Variants in HDAC9 observed in about 807,000 individuals in gnomAD.
HDAC9 encodes histone deacetylase 9.
Under a neutral mutation model 139.4 loss-of-function variants are expected in HDAC9, and 41 were observed. The ratio of observed to expected loss-of-function variants is 0.29; its 90% confidence interval spans 0.23 to 0.38. The LOEUF (loss-of-function observed/expected upper bound fraction) is 0.38. Ranked by LOEUF, HDAC9 falls within the 10% of genes least tolerant of loss-of-function variation. HDAC9 has a pLI of 1.00. For synonymous variants in HDAC9, 517 were observed against 476.2 expected, an observed-to-expected ratio of 1.09 and a Z score of -1.12; for missense variants, 1,147 against 1,297.0, an observed-to-expected ratio of 0.88 and a Z score of 1.78.
chr7:18,906,000 T>C (rs915969330), intron 22 of HDAC9, among the ~76,000 whole-genome samples: 8 of 151,114 alleles, frequency 5.3e-5, no homozygotes, highest in Admixed American at 4.6e-4. Flanking sequence ...TCTCTCTCTC[T>C]CTTTATTTTT....
At chr7:18,225,620 T>C (rs986022097) in intron 2 of HDAC9, among the ~76,000 whole-genome samples, 1 of 152,136 alleles carries the variant, frequency 6.6e-6, no homozygotes, top group Non-Finnish European at 1.5e-5. Flanking sequence ...TTAAATATAA[T>C]TGAATGAATA....
Position 18,835,447 on chromosome 7 carries a change from C to G in HDAC9, c.2467-20C>G, listed in dbSNP as rs767363488. 1.9e-6 allele frequency: 3 copies of G among 1,604,710 alleles called. No homozygotes were observed. The Admixed American group carries it at 5.1e-5, about 27-fold the overall frequency. The stretch of plus-strand genomic sequence containing the variant: ...AGTTAGACATGACTGTATTTGTCGT[C>G]TGTTTTCATTTCCCTGTAGGATGTT... On this transcript the variant is annotated intron_variant, in intron 19 of 25. Coordinates refer to ENST00000686413, the MANE Select transcript of HDAC9 (RefSeq NM_178425.4).
At chr7:18,824,754 G>A (rs1332632504) in intron 17 of HDAC9, among the ~76,000 whole-genome samples, 1 of 152,200 alleles carries the variant, frequency 6.6e-6, no homozygotes, top group Non-Finnish European at 1.5e-5. Flanking sequence ...CCACCCTCAT[G>A]TGCCTTTCGT....
At chr7:18,907,127 A>G (rs954379845) in intron 22 of HDAC9, 2 of 152,218 alleles carry the variant, frequency 1.3e-5, no homozygotes, top group African/African-American at 2.4e-5. Context: ...ATTAAACCCA[A>G]ATGATCTCGA....
chr7:18,516,722 G>A (rs529729435), intron 2 of HDAC9, among the ~76,000 whole-genome samples: 1 of 152,208 alleles, frequency 6.6e-6, no homozygotes, highest in Admixed American at 6.5e-5. Context: ...TTAGCCAGGC[G>A]TGGTGGTGTG....
intron 22 of HDAC9, among the ~76,000 whole-genome samples, chr7:18,880,776 A>G (rs1279267232): frequency 1.3e-5 from 2 of 148,388 alleles, no homozygotes; most frequent in African/African-American, 4.9e-5. Flanking sequence ...AAACCTTCAC[A>G]TGTACCCCCA....
intron 11 of HDAC9, among the ~76,000 whole-genome samples, chr7:18,660,835 G>A (rs1423931334): frequency 6.6e-6 from 1 of 152,142 alleles, no homozygotes; most frequent in African/African-American, 2.4e-5. Flanking sequence ...GTGAGAAAGA[G>A]AGAACAAGAT....
intron 2 of HDAC9, among the ~76,000 whole-genome samples, chr7:18,252,545 G>C (rs147453382): frequency 2.0e-5 from 3 of 152,116 alleles, no homozygotes; most frequent in Admixed American, 1.3e-4. Flanking sequence ...ATCCTTCTCT[G>C]TTGCCATGTT....
chr7:18,820,893 T>C (rs964703340), intron 17 of HDAC9, among the ~76,000 whole-genome samples: 1 of 152,150 alleles, frequency 6.6e-6, no homozygotes, highest in African/African-American at 2.4e-5. Context: ...AAGGGCATAT[T>C]ATAGAGTGTC....
intron 6 of HDAC9, among the ~76,000 whole-genome samples, chr7:18,594,480 G>C (rs1445306421): frequency 6.6e-6 from 1 of 151,876 alleles, no homozygotes; most frequent in African/African-American, 2.4e-5. Flanking sequence ...TGTTTTTGTG[G>C]TGAAAGCAGG....
At position 18,842,019 on chromosome 7, in the gene HDAC9, T is replaced by C. The variant is rs147602029; in HGVS notation, c.2684+6022T>C. Among the ~76,000 whole-genome samples the C allele has an allele frequency of 2.7e-3, 415 of 152,240 alleles. 2 individuals are homozygous for C. The highest frequency in any genetic ancestry group is 6.5e-3 in the Admixed American group (99 of 15,270). Reference sequence around the variant, plus strand: ...TACCAAATTAAATTTTAATAGAATATATAGTGAAAAATGAACATTTAGATT... The same window carrying C: ...TACCAAATTAAATTTTAATAGAATACATAGTGAAAAATGAACATTTAGATT... On this transcript the variant is annotated intron_variant, in intron 21 of 25. Transcript: ENST00000686413.
intron 22 of HDAC9, among the ~76,000 whole-genome samples, chr7:18,901,552 C>T (rs1801725669): frequency 6.6e-6 from 1 of 151,932 alleles, no homozygotes; most frequent in South Asian, 2.1e-4. Context: ...GTAGGGGATC[C>T]CACCCCCAAC....
chr7:18,911,768 G>A (rs918474168), intron 22 of HDAC9, among the ~76,000 whole-genome samples: 3 of 151,660 alleles, frequency 2.0e-5, no homozygotes, highest in African/African-American at 4.8e-5. Context: ...GGTTATTCAG[G>A]AGCATGTTGT....
chr7:18,530,708 G>T (rs1027599746), intron 2 of HDAC9, among the ~76,000 whole-genome samples: 30 of 151,652 alleles, frequency 2.0e-4, no homozygotes. Context: ...CTTCCTGAGG[G>T]ATTTCCCCCA....
At chr7:18,748,870 C>T (rs1455815257) in intron 13 of HDAC9, 135 bp from the exon 14 acceptor site, 9 of 848,438 alleles carry the variant, frequency 1.1e-5, no homozygotes, top group Non-Finnish European at 1.6e-5. Flanking sequence ...TGAGAATTTG[C>T]TTTGTGATAT....
intron 1 of HDAC9, among the ~76,000 whole-genome samples, chr7:18,300,704 C>G (rs1021561114): frequency 2.0e-5 from 3 of 152,128 alleles, no homozygotes; most frequent in African/African-American, 7.2e-5. Context: ...ATATACCACA[C>G]ACCATTCCAC....
chr7:18,904,306 A>G (rs1188292273), intron 22 of HDAC9, among the ~76,000 whole-genome samples: 1 of 152,186 alleles, frequency 6.6e-6, no homozygotes, highest in Non-Finnish European at 1.5e-5. Context: ...ATTTAAAAAA[A>G]TGCTGCTACC....
chr7:18,380,350 AGTT>A (rs1041251734), intron 1 of HDAC9, among the ~76,000 whole-genome samples: 2 of 152,238 alleles, frequency 1.3e-5, no homozygotes, highest in African/African-American at 2.4e-5. Flanking sequence ...GTGAAAACAC[AGTT>A]GTTGTAGTTT....
intron 14 of HDAC9, among the ~76,000 whole-genome samples, chr7:18,760,049 G>A (rs1789244924): frequency 6.6e-6 from 1 of 152,154 alleles, no homozygotes; most frequent in East Asian, 1.9e-4. Context: ...TAGCTGCAGA[G>A]CTGACATTGT....
Sources: gnomAD v4.1 joint callset for allele counts (sites outside exome capture counted in the v4.1 genomes callset) on GRCh38, gnomAD v4.1.1 for gene constraint, MANE v1.5 for transcripts, NCBI Gene and HGNC (gene_info 2026-07-23, HGNC 2026-07-21) for gene names.